LINGO2: variants seen among roughly 807,000 people sequenced by gnomAD.
The protein encoded by LINGO2 is leucine-rich repeat and immunoglobulin-like domain-containing nogo receptor-interacting protein 2.
In LINGO2, 14 loss-of-function variants were observed where a neutral mutation model predicts 30.6. That is an observed-to-expected ratio of 0.46 (90% confidence interval 0.30 to 0.72). The LOEUF is 0.72. Ranked by LOEUF, LINGO2 falls within the 30% of genes least tolerant of loss-of-function variation. The pLI, the probability that LINGO2 is intolerant of heterozygous loss-of-function variation, is 0.07. For synonymous variants in LINGO2, 317 were observed against 288.5 expected, an observed-to-expected ratio of 1.10 and a Z score of -1.00; for missense variants, 729 against 751.7, an observed-to-expected ratio of 0.97 and a Z score of 0.35.
intron 4 of LINGO2, among the ~76,000 whole-genome samples, chr9:28,047,033 A>G (rs1014657701): frequency 3.9e-5 from 6 of 152,110 alleles, no homozygotes; most frequent in Non-Finnish European, 8.8e-5. Flanking sequence ...GCAGCCCCTA[A>G]GTAATGCTTA....
chr9:28,375,985 A>G (rs1044776314), intron 2 of LINGO2, among the ~76,000 whole-genome samples: 1 of 152,108 alleles, frequency 6.6e-6, no homozygotes, highest in Admixed American at 6.5e-5. Context: ...CAGGACAATT[A>G]TCTCCTCATC....
intron 2 of LINGO2, among the ~76,000 whole-genome samples, chr9:28,375,717 A>G (rs1391708672): frequency 6.6e-6 from 1 of 152,178 alleles, no homozygotes. Flanking sequence ...AACGAAGGGG[A>G]AAATATAGAA....
At chr9:28,181,039 A>G (rs986595784) in intron 4 of LINGO2, among the ~76,000 whole-genome samples, 1 of 152,138 alleles carries the variant, frequency 6.6e-6, no homozygotes, top group African/African-American at 2.4e-5. Flanking sequence ...TATTAGATTT[A>G]GGTAAAAATT....
chr9:29,161,212 A>C, the LINGO2 span, among the ~76,000 whole-genome samples: 1 of 152,354 alleles, frequency 6.6e-6, no homozygotes, highest in East Asian at 1.9e-4. Flanking sequence ...GAGCCACAGC[A>C]AACAGCCATG....
At chr9:28,771,179 G>T in the LINGO2 span, among the ~76,000 whole-genome samples, 1 of 151,812 alleles carries the variant, frequency 6.6e-6, no homozygotes, top group Admixed American at 6.6e-5. Context: ...TAGGTCAGTC[G>T]TAAGATCCCA....
At chr9:29,054,383 C>G in the LINGO2 span, among the ~76,000 whole-genome samples, 1 of 152,092 alleles carries the variant, frequency 6.6e-6, no homozygotes, top group Non-Finnish European at 1.5e-5. Context: ...GAAATTGTTT[C>G]TTACATGTTA....
At chr9:28,108,457 C>G (rs1042965849) in intron 4 of LINGO2, among the ~76,000 whole-genome samples, 1 of 151,444 alleles carries the variant, frequency 6.6e-6, no homozygotes, top group Non-Finnish European at 1.5e-5. Context: ...CTTACACTGG[C>G]CATCGATCTT....
chr9:28,803,513 A>AAC, the LINGO2 span, among the ~76,000 whole-genome samples: 1 of 151,810 alleles, frequency 6.6e-6, no homozygotes, highest in African/African-American at 2.4e-5. Context: ...ATAAATTTTT[A>AAC]ATATATATAT....
At position 28,638,318 on chromosome 9, in the gene LINGO2, A is replaced by C. The variant is rs182204513; in HGVS notation, c.-365+31882T>G. Among the ~76,000 whole-genome samples, 362 of 152,266 alleles carry C rather than the reference A, an allele frequency of 2.4e-3. 2 individuals carry two copies. The highest frequency in any genetic ancestry group is 0.02 in the Middle Eastern group (6 of 294). On this transcript the variant is annotated intron_variant, in intron 1 of 5. Transcript: ENST00000379992. ...GTCCCTGTCACGCTTTGTTATCAGG[A>C]TGATGCTGGCCTCATAAAATGAGTT...
the LINGO2 span, among the ~76,000 whole-genome samples, chr9:28,930,527 T>A: frequency 0.9 from 136,367 of 152,220 alleles, 61,366 homozygotes; most frequent in Non-Finnish European, 0.94. This position sits in a 1 kb window ranked among gnomAD's most constrained non-coding sequence, Gnocchi z 4.2. Context: ...AGCAAAGGAT[T>A]GGATATCAGA....
chr9:28,123,184 C>T (rs1050307256), intron 4 of LINGO2, among the ~76,000 whole-genome samples: 8 of 152,128 alleles, frequency 5.3e-5, no homozygotes, highest in Admixed American at 4.6e-4. Flanking sequence ...ATTTCCCAGG[C>T]TTTTACAAAA....
At chr9:28,512,614 TATATATATATATATATATATATAC>T (rs1180397004) in intron 1 of LINGO2, among the ~76,000 whole-genome samples, 404 of 12,206 alleles carry the variant, frequency 0.033, 27 homozygotes, top group Admixed American at 0.16. Flanking sequence ...TATATATATA[TATATATATATATATATATATATAC>T]ACACATACAT....
At chr9:28,961,788 G>A in the LINGO2 span, among the ~76,000 whole-genome samples, 1 of 152,122 alleles carries the variant, frequency 6.6e-6, no homozygotes, top group African/African-American at 2.4e-5. Flanking sequence ...TTTCTATATA[G>A]TGTTCTCATT....
At chr9:29,153,796 G>A in the LINGO2 span, among the ~76,000 whole-genome samples, 4 of 152,002 alleles carry the variant, frequency 2.6e-5, no homozygotes, top group Admixed American at 2.6e-4. Flanking sequence ...TTTTATTCAT[G>A]CAAAAATAAA....
At chr9:28,963,096 T>A in the LINGO2 span, among the ~76,000 whole-genome samples, 1 of 151,982 alleles carries the variant, frequency 6.6e-6, no homozygotes, top group Non-Finnish European at 1.5e-5. Flanking sequence ...AAAGTGAAAC[T>A]GAAATTTCCA....
At chr9:28,885,948 C>G in the LINGO2 span, among the ~76,000 whole-genome samples, 1 of 152,160 alleles carries the variant, frequency 6.6e-6, no homozygotes, top group South Asian at 2.1e-4. Flanking sequence ...GCCTAATATA[C>G]TCTTTTATCT....
the LINGO2 span, among the ~76,000 whole-genome samples, chr9:28,916,385 G>A: frequency 2.6e-5 from 4 of 152,042 alleles, no homozygotes; most frequent in East Asian, 1.9e-4. Flanking sequence ...ATCTTTTAAC[G>A]TCTGATAAGA....
intron 1 of LINGO2, among the ~76,000 whole-genome samples, chr9:28,618,491 A>AT (rs1826239488): frequency 6.6e-6 from 1 of 152,104 alleles, no homozygotes; most frequent in Non-Finnish European, 1.5e-5. Flanking sequence ...CCAGAGTGTT[A>AT]TTTTTTAATA....
At chr9:28,604,416 G>C (rs1302682548) in intron 1 of LINGO2, among the ~76,000 whole-genome samples, 1 of 152,002 alleles carries the variant, frequency 6.6e-6, no homozygotes, top group Non-Finnish European at 1.5e-5. Context: ...CTTTTAGAAA[G>C]ACGAGTCTAC....
Sources: allele counts gnomAD v4.1 joint callset (sites outside exome capture counted in the v4.1 genomes callset), GRCh38; gene constraint gnomAD v4.1.1; non-coding constraint Gnocchi (gnomAD v3.1); transcripts MANE v1.5; gene names NCBI Gene and HGNC (gene_info 2026-07-23, HGNC 2026-07-21).